The following HACD3 variants were observed in gnomAD, a reference collection of about 807,000 sequenced individuals.
HACD3 encodes the protein very-long-chain (3R)-3-hydroxyacyl-CoA dehydratase 3.
In HACD3, 30 loss-of-function variants were observed where a neutral mutation model predicts 55.2. The ratio of observed to expected loss-of-function variants is 0.54; its 90% CI spans 0.41 to 0.74. HACD3 has a LOEUF of 0.74. Among genes scored for constraint, HACD3 ranks in the 30% least tolerant of loss-of-function variants. The pLI is 0.00. For missense variants in HACD3, 363 were observed against 440.1 expected (o/e 0.82, Z 1.57); for synonymous variants, 141 against 151.7 (o/e 0.93, Z 0.52).
intron 5 of HACD3, among the ~76,000 whole-genome samples, chr15:65,559,685 T>A (rs577376110): frequency 3.6e-4 from 54 of 151,980 alleles, no homozygotes; most frequent in African/African-American, 1.1e-3. Flanking sequence ...GAAGGAATTT[T>A]AAAAAATATT....
intron 10 of HACD3, chr15:65,574,545 C>T (rs750554752): frequency 1.3e-5 from 2 of 152,234 alleles, no homozygotes; most frequent in South Asian, 2.1e-4. Flanking sequence ...AGGAAGACCA[C>T]GCAAGGTAAG....
chr15:65,571,751 T>A (rs1232500373), intron 9 of HACD3, 97 bp downstream of exon 9: 1 of 902,390 alleles, frequency 1.1e-6, no homozygotes. Flanking sequence ...GTCCGATAAA[T>A]GGAAATGTTG....
At chr15:65,539,728 T>C (rs985551642) in intron 1 of HACD3, among the ~76,000 whole-genome samples, 7 of 152,196 alleles carry the variant, frequency 4.6e-5, no homozygotes, top group Non-Finnish European at 8.8e-5. Context: ...GCTGGAAGAA[T>C]GGATAAATTG....
chr15:65,560,492 G>A (rs2072233685), intron 5 of HACD3, among the ~76,000 whole-genome samples: 1 of 152,050 alleles, frequency 6.6e-6, no homozygotes, highest in Non-Finnish European at 1.5e-5. Context: ...TCCTCAGTCT[G>A]CCCATCTTTC....
intron 1 of HACD3, among the ~76,000 whole-genome samples, chr15:65,533,418 A>G (rs1414614202): frequency 6.6e-6 from 1 of 152,196 alleles, no homozygotes; most frequent in East Asian, 1.9e-4. Flanking sequence ...ACAAAACTGT[A>G]ATTGCTACAG....
intron 2 of HACD3, among the ~76,000 whole-genome samples, chr15:65,552,737 G>T (rs559285920): frequency 6.7e-6 from 1 of 150,064 alleles, no homozygotes; most frequent in Non-Finnish European, 1.5e-5. Context: ...ACATGTGCCC[G>T]TTGTGCAGGT....
intron 1 of HACD3, among the ~76,000 whole-genome samples, chr15:65,547,158 C>T (rs1331975362): frequency 5.9e-5 from 9 of 152,014 alleles, no homozygotes; most frequent in South Asian, 2.1e-4. Context: ...ACTCTGTCAC[C>T]GAGGCTGGAG....
chr15:65,533,733 G>A (rs2071925676), intron 1 of HACD3, among the ~76,000 whole-genome samples: 1 of 115,008 alleles, frequency 8.7e-6, no homozygotes, highest in Admixed American at 1.1e-4. Flanking sequence ...TACATGTGCA[G>A]ATTTGTTATT....
At chr15:65,535,597 T>C in intron 1 of HACD3, 1 of 398,304 alleles carries the variant, frequency 2.5e-6, no homozygotes, top group Non-Finnish European at 4.4e-6. Context: ...GTTCATTTAG[T>C]GTCTCTGTGT....
At chr15:65,531,712 C>T (rs745505006) in intron 1 of HACD3, among the ~76,000 whole-genome samples, 1 of 151,952 alleles carries the variant, frequency 6.6e-6, no homozygotes, top group Non-Finnish European at 1.5e-5. Flanking sequence ...ATTATAGACG[C>T]GTGCCACCAT....
intron 7 of HACD3, among the ~76,000 whole-genome samples, chr15:65,568,977 G>T (rs1391040717): frequency 6.6e-6 from 1 of 152,062 alleles, no homozygotes; most frequent in Admixed American, 6.5e-5. Context: ...GCCGGGCGCG[G>T]TGGCTCATGC....
intron 10 of HACD3, chr15:65,574,138 A>C (rs906216718): frequency 6.6e-6 from 1 of 152,238 alleles, no homozygotes; most frequent in African/African-American, 2.4e-5. Flanking sequence ...AATAGTTATT[A>C]TCTCACATAG....
intron 3 of HACD3, among the ~76,000 whole-genome samples, chr15:65,556,327 CATT>C (rs1055367875): frequency 1.3e-5 from 2 of 152,164 alleles, no homozygotes; most frequent in Non-Finnish European, 2.9e-5. Context: ...GATCATCAGG[CATT>C]ATAGTCTCAT....
chr15:65,550,499 G>C (rs2072121831), intron 1 of HACD3, among the ~76,000 whole-genome samples: 1 of 152,184 alleles, frequency 6.6e-6, no homozygotes, highest in Non-Finnish European at 1.5e-5. Flanking sequence ...TAAATACATG[G>C]ATTCAGTAGT....
At chr15:65,544,556 AT>A (rs1321627642) in intron 1 of HACD3, among the ~76,000 whole-genome samples, 3 of 152,154 alleles carry the variant, frequency 2.0e-5, no homozygotes, top group Non-Finnish European at 2.9e-5. Context: ...TTTTTTAAAA[AT>A]TTTTATTTTT....
chr15:65,542,802 T>G (rs1365488295), intron 1 of HACD3, among the ~76,000 whole-genome samples: 2 of 151,768 alleles, frequency 1.3e-5, no homozygotes, highest in Non-Finnish European at 2.9e-5. Context: ...CAGGCCGGGC[T>G]TGGTGGCTCA....
chr15:65,543,746 C>T (rs171290), intron 1 of HACD3, among the ~76,000 whole-genome samples: 132,244 of 152,200 alleles, frequency 0.87, 58,586 homozygotes, highest in East Asian at 0.95. Context: ...GAACAGTATC[C>T]TCAAAAGCTA....
At chr15:65,531,896 T>G (rs940160844) in intron 1 of HACD3, among the ~76,000 whole-genome samples, 2 of 152,146 alleles carry the variant, frequency 1.3e-5, no homozygotes, top group African/African-American at 4.8e-5. Context: ...GTCATTCTTA[T>G]TGGAAACTTC....
rs895864656 is a variant in HACD3, at chr15:65,558,251, G to A, written c.370-429G>A. ...CATCTGTATCTCTGTTAAGCTAAACGTGAGTTCATAGTGATGTTGGAAACA... is the reference window on the plus strand; with the variant it reads ...CATCTGTATCTCTGTTAAGCTAAACATGAGTTCATAGTGATGTTGGAAACA... On this transcript the variant is annotated intron_variant, in intron 4 of 10. Coordinates refer to ENST00000261875, the MANE Select transcript of HACD3 (RefSeq NM_016395.4). 1.2e-4 allele frequency among the ~76,000 whole-genome samples: 18 copies of A among 152,270 alleles called. 1 individual carries two copies. The highest frequency in any genetic ancestry group is 3.8e-4 in the African/African-American group (16 of 41,560).
Sources: gnomAD v4.1 joint callset for allele counts (sites outside exome capture counted in the v4.1 genomes callset) on GRCh38, gnomAD v4.1.1 for gene constraint, MANE v1.5 for transcripts, NCBI Gene and HGNC (gene_info 2026-07-23, HGNC 2026-07-21) for gene names.